MID1: variants seen among roughly 807,000 people sequenced by gnomAD.
The protein encoded by MID1 is midline 1.
Under a neutral mutation model 40.4 loss-of-function variants are expected in MID1, and 7 were observed. That is an observed-to-expected ratio of 0.17 (90% CI 0.10 to 0.33). MID1 has a LOEUF of 0.33. MID1 is among the 10% of genes least tolerant of loss of function. The probability of loss-of-function intolerance (pLI) is 1.00; values close to 1 mark genes in which losing one functional copy is unlikely to be tolerated. For missense variants in MID1, 367 were observed against 558.5 expected (o/e 0.66, Z 3.46); for synonymous variants, 229 against 221.2 (o/e 1.04, Z -0.31).
At chrX:10,730,519 C>T (rs2043437331) in intron 1 of MID1, among the ~76,000 whole-genome samples, 1 of 108,879 alleles carries the variant, frequency 9.2e-6, no homozygotes, top group African/African-American at 3.3e-5. Context: ...AATAGTATCC[C>T]ATCACTCAAA....
rs370444504 is a variant in MID1, at chrX:10,630,536, G to C, written c.-186-10117C>G. Among the ~76,000 whole-genome samples the C allele has an allele frequency of 4.2e-3, 462 of 109,557 alleles. 4 individuals carry two copies. Among genetic ancestry groups the C allele is most frequent in the African/African-American group, 0.015 (434 of 29,879 alleles). ...AATGTGTCTGAGGGTGTATGTGTGCGGGGGGCGGGGGCAGTGGTTGTGGGT... is the reference window on the plus strand; with the variant it reads ...AATGTGTCTGAGGGTGTATGTGTGCCGGGGGCGGGGGCAGTGGTTGTGGGT... On this transcript the variant is annotated intron_variant, in intron 1 of 10. Transcript: ENST00000380785.
chrX:10,472,944 A>AT (rs1395789152), intron 6 of MID1, among the ~76,000 whole-genome samples: 3 of 112,408 alleles, frequency 2.7e-5, no homozygotes, highest in Non-Finnish European at 5.6e-5. Context: ...TGCTAGTTGG[A>AT]TTTTTTGTTG....
chrX:10,632,652 T>G (rs1329510787), intron 1 of MID1, among the ~76,000 whole-genome samples: 1 of 110,278 alleles, frequency 9.1e-6, no homozygotes, highest in Non-Finnish European at 1.9e-5. Flanking sequence ...GCCTAGAAAT[T>G]TGCATTTCTG....
intron 1 of MID1, among the ~76,000 whole-genome samples, chrX:10,693,587 A>G (rs2043144224): frequency 8.9e-6 from 1 of 111,839 alleles, no homozygotes; most frequent in Non-Finnish European, 1.9e-5. Flanking sequence ...AAAGAAATAT[A>G]TATTCAGAGA....
intron 1 of MID1, among the ~76,000 whole-genome samples, chrX:10,766,006 A>AGAAC (rs2043726069): frequency 1.9e-5 from 2 of 105,309 alleles, no homozygotes; most frequent in Non-Finnish European, 4.0e-5. Flanking sequence ...AAAGAAAGAA[A>AGAAC]GAACCAAAAC....
chrX:10,611,682 G>C (rs1426179147), intron 1 of MID1, among the ~76,000 whole-genome samples: 2 of 111,591 alleles, frequency 1.8e-5, no homozygotes, highest in African/African-American at 3.3e-5. Context: ...AGGCATCTTA[G>C]ATTGTTTTGT....
intron 1 of MID1, among the ~76,000 whole-genome samples, chrX:10,653,673 A>G (rs2042849770): frequency 8.8e-6 from 1 of 113,224 alleles, no homozygotes; most frequent in African/African-American, 3.2e-5. Flanking sequence ...AATATGAAAA[A>G]TAAAAATCCC....
chrX:10,619,423 T>C (rs1392017891), intron 1 of MID1, among the ~76,000 whole-genome samples: 1 of 113,063 alleles, frequency 8.8e-6, no homozygotes, highest in Non-Finnish European at 1.9e-5. Context: ...TGGCATGTTT[T>C]TCCAGCCTTG....
chrX:10,762,599 AATTTTTTGT>A (rs1436592044), intron 1 of MID1, among the ~76,000 whole-genome samples: 2 of 110,279 alleles, frequency 1.8e-5, no homozygotes, highest in South Asian at 3.8e-4. Context: ...ACACCTGGCT[AATTTTTTGT>A]ATTTTTTGTA....
At chrX:10,581,946 T>C (rs1935028994) in intron 1 of MID1, among the ~76,000 whole-genome samples, 1 of 112,050 alleles carries the variant, frequency 8.9e-6, no homozygotes, top group African/African-American at 3.2e-5. Flanking sequence ...CTGGCATGGA[T>C]GGAGCATGTG....
chrX:10,676,492 C>T (rs1286425323), intron 1 of MID1, among the ~76,000 whole-genome samples: 1 of 111,548 alleles, frequency 9.0e-6, no homozygotes, highest in African/African-American at 3.3e-5. Context: ...ACCAGTTTCT[C>T]CTAGTGTGGA....
chrX:10,571,676 G>A (rs764600380), intron 1 of MID1, among the ~76,000 whole-genome samples: 2 of 109,976 alleles, frequency 1.8e-5, no homozygotes, highest in South Asian at 8.0e-4. Flanking sequence ...CACTTTGGGA[G>A]GCTGAAGTGG....
At position 10,620,073 on chromosome X, in the gene MID1, G is replaced by T. The variant is rs1935907754; in HGVS notation, c.-57+217C>A. ...CTGCCTGACATCAACCACAATTAGA[G>T]GCAAAAGTGGGGGCGGGTGGCGAGG... On this transcript the variant is annotated intron_variant, in intron 1 of 9. Coordinates refer to ENST00000317552, the MANE Select transcript of MID1 (RefSeq NM_000381.4). Among the ~76,000 whole-genome samples the T allele has an allele frequency of 3.6e-5, 4 of 112,339 alleles. No homozygotes were observed. The South Asian group carries it at 1.1e-3, about 31-fold the overall frequency.
chrX:10,461,136 G>GACACACACACACACACACAC (rs1929009556), intron 7 of MID1, among the ~76,000 whole-genome samples: 2 of 91,355 alleles, frequency 2.2e-5, no homozygotes, highest in South Asian at 5.0e-4. Flanking sequence ...GATATCTAAA[G>GACACACACACACACACACAC]ATACACACAC....
At chrX:10,594,497 C>T (rs777783155) in intron 1 of MID1, among the ~76,000 whole-genome samples, 7 of 111,480 alleles carry the variant, frequency 6.3e-5, no homozygotes, top group Non-Finnish European at 1.3e-4. Flanking sequence ...AGTGTCAAGG[C>T]CCTGAGGGTG....
intron 2 of MID1, among the ~76,000 whole-genome samples, chrX:10,534,066 C>T (rs1474194370): frequency 9.1e-6 from 1 of 110,158 alleles, no homozygotes; most frequent in Admixed American, 9.7e-5. Flanking sequence ...GTGTAGAGCA[C>T]TAGATAATTA....
intron 5 of MID1, among the ~76,000 whole-genome samples, chrX:10,478,447 C>T (rs1930130877): frequency 9.0e-6 from 1 of 111,628 alleles, no homozygotes; most frequent in Non-Finnish European, 1.9e-5. Context: ...ATAATTAGTC[C>T]CGTCTTACAG....
chrX:10,540,651 A>G (rs1257143126), intron 2 of MID1, among the ~76,000 whole-genome samples: 2 of 111,198 alleles, frequency 1.8e-5, no homozygotes, highest in Non-Finnish European at 3.8e-5. Context: ...CAATTTGGTG[A>G]AAATTAAATC....
intron 2 of MID1, among the ~76,000 whole-genome samples, chrX:10,564,892 A>G (rs73479274): frequency 0.03 from 3,306 of 110,410 alleles, 131 homozygotes; most frequent in African/African-American, 0.1. Context: ...CATTTTTAAT[A>G]AAGAAACAAA....
Sources: gnomAD v4.1 joint callset for allele counts (sites outside exome capture counted in the v4.1 genomes callset) on GRCh38, gnomAD v4.1.1 for gene constraint, MANE v1.5 for transcripts, NCBI Gene and HGNC (gene_info 2026-07-23, HGNC 2026-07-21) for gene names.